RPS6KA6: variants seen among roughly 807,000 people sequenced by gnomAD.
RPS6KA6 encodes ribosomal protein S6 kinase alpha-6.
A neutral mutation model predicts 65.4 loss-of-function variants in RPS6KA6; 27 were observed. The observed-to-expected ratio is 0.41, with a 90% CI of 0.30 to 0.57. The LOEUF is 0.57. Among genes scored for constraint, RPS6KA6 ranks in the 20% least tolerant of loss-of-function variants. The pLI is 0.24. For synonymous variants in RPS6KA6, 190 were observed against 184.2 expected (o/e 1.03, Z -0.26); for missense variants, 486 against 555.6 (o/e 0.87, Z 1.26).
At chrX:84,102,664 C>T (rs759008553) in intron 17 of RPS6KA6, among the ~76,000 whole-genome samples, 1 of 110,944 alleles carries the variant, frequency 9.0e-6, no homozygotes, top group African/African-American at 3.3e-5. Context: ...TCTGAAGGCA[C>T]TGGAGAATGA....
chrX:84,132,334 G>A, intron 8 of RPS6KA6, among the ~76,000 whole-genome samples: 1 of 110,588 alleles, frequency 9.0e-6, no homozygotes. Flanking sequence ...GTGGGAGGAT[G>A]GCTTGAGCCC....
chrX:84,066,661 G>C (rs767519253), intron 20 of RPS6KA6, among the ~76,000 whole-genome samples: 1 of 111,469 alleles, frequency 9.0e-6, no homozygotes, highest in Admixed American at 9.5e-5. Flanking sequence ...GCACCTCGGG[G>C]AAGGGGCAAC....
chrX:84,075,736 T>C (rs753644101), intron 20 of RPS6KA6, among the ~76,000 whole-genome samples: 273 of 109,082 alleles, frequency 2.5e-3, no homozygotes, highest in Non-Finnish European at 4.1e-3. Context: ...GAGCAACATA[T>C]TTAACATACT....
At chrX:84,116,963 A>C (rs1463166381) in intron 11 of RPS6KA6, 97 bp downstream of exon 11, 7 of 533,885 alleles carry the variant, frequency 1.3e-5, no homozygotes, top group Non-Finnish European at 2.1e-5. Context: ...CTACGTATAG[A>C]AGTAATGTGC....
chrX:84,167,752 C>T (rs768452399), intron 1 of RPS6KA6, among the ~76,000 whole-genome samples: 1 of 110,510 alleles, frequency 9.0e-6, no homozygotes, highest in African/African-American at 3.3e-5. Flanking sequence ...AGGGAAGAGG[C>T]TGACTACAAA....
At chrX:84,183,385 C>T (rs931009622) in intron 1 of RPS6KA6, among the ~76,000 whole-genome samples, 3 of 111,695 alleles carry the variant, frequency 2.7e-5, no homozygotes, top group African/African-American at 9.8e-5. Flanking sequence ...CTTCCACTAA[C>T]ACAATAGCCT....
At chrX:84,070,625 C>G (rs1231601276) in intron 20 of RPS6KA6, among the ~76,000 whole-genome samples, 5 of 111,060 alleles carry the variant, frequency 4.5e-5, no homozygotes, top group Non-Finnish European at 9.4e-5. Flanking sequence ...TCATCAATCA[C>G]AGAAGCAGTG....
intron 1 of RPS6KA6, among the ~76,000 whole-genome samples, chrX:84,165,787 T>A (rs776320502): frequency 5.4e-5 from 6 of 111,312 alleles, no homozygotes; most frequent in Non-Finnish European, 5.7e-5. Flanking sequence ...TGTTATTTTT[T>A]TTGCACTCTC....
At chrX:84,149,385 G>C (rs2035258539) in intron 3 of RPS6KA6, among the ~76,000 whole-genome samples, 1 of 111,846 alleles carries the variant, frequency 8.9e-6, no homozygotes, top group African/African-American at 3.2e-5. Context: ...GTCCTTTCCA[G>C]AGGTTTTCAA....
intron 12 of RPS6KA6, among the ~76,000 whole-genome samples, chrX:84,109,773 G>A (rs748443910): frequency 9.0e-6 from 1 of 110,617 alleles, no homozygotes; most frequent in African/African-American, 3.3e-5. Flanking sequence ...AGCAGCAGGA[G>A]TCTAGAGACT....
chrX:84,073,469 A>C (rs748881154), intron 20 of RPS6KA6, among the ~76,000 whole-genome samples: 27 of 111,938 alleles, frequency 2.4e-4, no homozygotes, highest in African/African-American at 8.4e-4. Context: ...TGGTTTGGAT[A>C]AGAATTTTTG....
intron 12 of RPS6KA6, among the ~76,000 whole-genome samples, chrX:84,113,113 C>T (rs1167865763): frequency 2.7e-5 from 3 of 111,001 alleles, no homozygotes; most frequent in Non-Finnish European, 3.8e-5. Flanking sequence ...AAGATTGAAC[C>T]AGGATGAAAC....
chrX:84,082,404 T>C (rs1182223319), intron 20 of RPS6KA6, among the ~76,000 whole-genome samples: 1 of 111,584 alleles, frequency 9.0e-6, no homozygotes, highest in Non-Finnish European at 1.9e-5. Flanking sequence ...GTGAAGGACC[T>C]CTTCAAGGAG....
At chrX:84,162,153 T>C (rs956409576) in intron 2 of RPS6KA6, among the ~76,000 whole-genome samples, 1 of 110,501 alleles carries the variant, frequency 9.0e-6, no homozygotes, top group East Asian at 2.8e-4. Context: ...ATATTAGATA[T>C]AGTTTATCAG....
chrX:84,138,629 C>T (rs2035038674), intron 6 of RPS6KA6, among the ~76,000 whole-genome samples: 1 of 112,444 alleles, frequency 8.9e-6, no homozygotes, highest in Admixed American at 9.4e-5. Flanking sequence ...ATTCTGTCAA[C>T]ATCAAACAAA....
At chrX:84,127,938 C>T (rs1241253443) in intron 8 of RPS6KA6, among the ~76,000 whole-genome samples, 1 of 111,507 alleles carries the variant, frequency 9.0e-6, no homozygotes, top group African/African-American at 3.3e-5. Flanking sequence ...GCTTTCACTA[C>T]TGTTAATCAA....
chrX:84,137,295 A>G (rs938599606), intron 6 of RPS6KA6, among the ~76,000 whole-genome samples: 1 of 111,690 alleles, frequency 9.0e-6, no homozygotes, highest in African/African-American at 3.3e-5. Context: ...TTATTTATAA[A>G]TAGTTTTCAA....
At chrX:84,081,906 TA>T (rs1254640804) in intron 20 of RPS6KA6, among the ~76,000 whole-genome samples, 1 of 112,113 alleles carries the variant, frequency 8.9e-6, no homozygotes, top group Non-Finnish European at 1.9e-5. Flanking sequence ...CCGTTCATGC[TA>T]AAAACTCTCA....
chrX:84,145,105 T>A (rs2035176671), intron 6 of RPS6KA6, among the ~76,000 whole-genome samples: 1 of 111,040 alleles, frequency 9.0e-6, no homozygotes, highest in African/African-American at 3.3e-5. Flanking sequence ...TATACAAATG[T>A]AAAAACTTAT....
Sources: gnomAD v4.1 joint callset for allele counts (sites outside exome capture counted in the v4.1 genomes callset) on GRCh38, gnomAD v4.1.1 for gene constraint, MANE v1.5 for transcripts, NCBI Gene and HGNC (gene_info 2026-07-23, HGNC 2026-07-21) for gene names.